The following MAST4 variants were observed in gnomAD, a reference collection of about 807,000 sequenced individuals.
MAST4 encodes the protein microtubule-associated serine/threonine-protein kinase 4.
A neutral mutation model predicts 162.7 loss-of-function variants in MAST4; 89 were observed. That is an observed-to-expected ratio of 0.55 (90% CI 0.46 to 0.65). MAST4 has a LOEUF of 0.65. Among genes scored for constraint, MAST4 ranks in the 30% least tolerant of loss-of-function variants. MAST4 has a pLI of 0.00. For synonymous variants in MAST4, 1,479 were observed against 1,361.1 expected, an observed-to-expected ratio of 1.09 and a Z score of -1.91; for missense variants, 3,153 against 3,374.0, an observed-to-expected ratio of 0.93 and a Z score of 1.62.
intron 4 of MAST4, among the ~76,000 whole-genome samples, chr5:66,973,061 C>T (rs1483166315): frequency 6.6e-6 from 1 of 152,146 alleles, no homozygotes; most frequent in Non-Finnish European, 1.5e-5. Flanking sequence ...TTCTCCCCTT[C>T]CTTCTCTCTT....
chr5:66,834,222 G>A (rs930043246), intron 3 of MAST4, among the ~76,000 whole-genome samples: 1 of 152,136 alleles, frequency 6.6e-6, no homozygotes, highest in African/African-American at 2.4e-5. Context: ...AAATTTAAGG[G>A]ATGTTGCAGT....
At chr5:66,870,968 A>G (rs113766963) in intron 3 of MAST4, 32 of 396,862 alleles carry the variant, frequency 8.1e-5, no homozygotes, top group African/African-American at 5.0e-4. Context: ...TAGAATATGG[A>G]TATTGAGAGG....
chr5:67,137,773 C>T (rs1432761971), intron 19 of MAST4, among the ~76,000 whole-genome samples: 1 of 152,194 alleles, frequency 6.6e-6, no homozygotes, highest in East Asian at 1.9e-4. Context: ...ACTGAAACAC[C>T]TCCATGTCCA....
chr5:66,701,667 T>C (rs1017651468), intron 1 of MAST4, among the ~76,000 whole-genome samples: 5 of 152,220 alleles, frequency 3.3e-5, no homozygotes, highest in African/African-American at 1.2e-4. Flanking sequence ...ACATAAATCA[T>C]GGAAAAAGTC....
At chr5:66,980,558 A>G (rs1475242169) in intron 4 of MAST4, among the ~76,000 whole-genome samples, 1 of 152,198 alleles carries the variant, frequency 6.6e-6, no homozygotes, top group Non-Finnish European at 1.5e-5. Flanking sequence ...TTTTACAAGA[A>G]ATCTTTCGTG....
chr5:67,148,404 C>T (rs563349658), intron 23 of MAST4, among the ~76,000 whole-genome samples: 7 of 152,274 alleles, frequency 4.6e-5, no homozygotes, highest in South Asian at 2.1e-4. Context: ...AATAGCTGTT[C>T]AGCTTCCTTC....
chr5:66,938,681 TGCC>T (rs1561462044), intron 4 of MAST4, among the ~76,000 whole-genome samples: 2 of 152,206 alleles, frequency 1.3e-5, no homozygotes, highest in African/African-American at 4.8e-5. Flanking sequence ...ATTCTCTATC[TGCC>T]TATATGAGGA....
chr5:67,078,878 A>ATT (rs1360743277), intron 5 of MAST4, among the ~76,000 whole-genome samples: 3 of 108,348 alleles, frequency 2.8e-5, no homozygotes, highest in African/African-American at 3.8e-5. Context: ...ATATTTATAT[A>ATT]AATATATTTA....
chr5:66,732,650 A>G (rs1751926196), intron 1 of MAST4, among the ~76,000 whole-genome samples: 1 of 152,204 alleles, frequency 6.6e-6, no homozygotes, highest in Non-Finnish European at 1.5e-5. Flanking sequence ...TTGTTCTTTG[A>G]ATGAAAAACT....
intron 4 of MAST4, among the ~76,000 whole-genome samples, chr5:66,933,315 T>C (rs1254889448): frequency 1.3e-5 from 2 of 152,238 alleles, no homozygotes; most frequent in Non-Finnish European, 2.9e-5. Context: ...AGATTTGGAA[T>C]TGCAGATACA....
At chr5:66,872,947 A>G (rs1348548556) in intron 3 of MAST4, among the ~76,000 whole-genome samples, 1 of 152,176 alleles carries the variant, frequency 6.6e-6, no homozygotes, top group Non-Finnish European at 1.5e-5. Flanking sequence ...ATTTGCAGAA[A>G]TACTGTGCCT....
chr5:66,899,272 T>C (rs970465846), intron 3 of MAST4, among the ~76,000 whole-genome samples: 3 of 152,178 alleles, frequency 2.0e-5, no homozygotes, highest in African/African-American at 4.8e-5. Context: ...CTCTTGATGA[T>C]TAGGTAGGTA....
At chr5:66,831,694 T>G (rs1757608774) in intron 3 of MAST4, among the ~76,000 whole-genome samples, 1 of 152,208 alleles carries the variant, frequency 6.6e-6, no homozygotes. Context: ...ATGGACTGTA[T>G]TCATATTTCC....
intron 3 of MAST4, among the ~76,000 whole-genome samples, chr5:66,810,398 C>A (rs1311194937): frequency 6.6e-6 from 1 of 152,172 alleles, no homozygotes; most frequent in Non-Finnish European, 1.5e-5. Flanking sequence ...CTTCCAAGGT[C>A]CCCCTGGGTG....
chr5:67,044,372 A>G (rs924704478), intron 4 of MAST4, among the ~76,000 whole-genome samples: 6 of 152,190 alleles, frequency 3.9e-5, no homozygotes, highest in Non-Finnish European at 7.4e-5. Flanking sequence ...GGTCTCTCCT[A>G]TGACTCATGT....
chr5:66,788,799 G>C lies in MAST4; in HGVS notation c.642+5G>C, dbSNP rs1212756304. ...CCCTCGCTCACCGCCAGCCTGGTGAGTGTCCGCGGGCGCCGGTGGAGGCTG... is the reference window on the plus strand; with the variant it reads ...CCCTCGCTCACCGCCAGCCTGGTGACTGTCCGCGGGCGCCGGTGGAGGCTG... On this transcript the variant is annotated splice_donor_5th_base_variant and intron_variant, in intron 3 of 28. Transcript: ENST00000403625. 6.4e-7 allele frequency: 1 copy of C among 1,558,946 alleles called. No homozygotes were observed. Among genetic ancestry groups the C allele is most frequent in the South Asian group, 1.2e-5 (1 of 83,272 alleles).
intron 3 of MAST4, among the ~76,000 whole-genome samples, chr5:66,794,338 T>TTG (rs1225106056): frequency 6.6e-6 from 1 of 152,162 alleles, no homozygotes; most frequent in Non-Finnish European, 1.5e-5. Flanking sequence ...GCTTCTTCCT[T>TTG]TGTGTAGTGG....
At chr5:66,623,669 A>G (rs1744222020) in intron 1 of MAST4, among the ~76,000 whole-genome samples, 1 of 152,230 alleles carries the variant, frequency 6.6e-6, no homozygotes, top group South Asian at 2.1e-4. Context: ...CGCTATAATC[A>G]ATGGGCTAAA....
At chr5:66,990,882 A>G (rs73103949) in intron 4 of MAST4, among the ~76,000 whole-genome samples, 5,693 of 152,248 alleles carry the variant, frequency 0.037, 327 homozygotes, top group African/African-American at 0.13. Flanking sequence ...TTATTGGACT[A>G]TTTCTTAGAG....
Sources: allele counts gnomAD v4.1 joint callset (sites outside exome capture counted in the v4.1 genomes callset), GRCh38; gene constraint gnomAD v4.1.1; transcripts MANE v1.5; gene names NCBI Gene and HGNC (gene_info 2026-07-23, HGNC 2026-07-21).